Variants in TSHZ2 observed in about 807,000 individuals in gnomAD.
TSHZ2 encodes teashirt homolog 2.
TSHZ2 carries 21 observed loss-of-function variants against 74.4 expected under a neutral mutation model. The observed-to-expected ratio is 0.28, with a 90% CI of 0.20 to 0.41. The LOEUF (loss-of-function observed/expected upper bound fraction) is 0.41, where lower values mean the gene tolerates loss of function less well. TSHZ2 is among the 10% of genes least tolerant of loss of function. The pLI, the probability that TSHZ2 is intolerant of heterozygous loss-of-function variation, is 1.00. For synonymous variants in TSHZ2, 540 were observed against 515.3 expected, an observed-to-expected ratio of 1.05 and a Z score of -0.65; for missense variants, 1,244 against 1,293.5, an observed-to-expected ratio of 0.96 and a Z score of 0.59.
At chr20:53,434,283 G>T (rs1356244580) in intron 2 of TSHZ2, among the ~76,000 whole-genome samples, 1 of 152,172 alleles carries the variant, frequency 6.6e-6, no homozygotes, top group Non-Finnish European at 1.5e-5. Flanking sequence ...ATTATCTCAT[G>T]TAATCATCAC....
intron 1 of TSHZ2, among the ~76,000 whole-genome samples, chr20:53,133,015 T>G (rs1182067440): frequency 6.6e-6 from 1 of 152,200 alleles, no homozygotes; most frequent in Non-Finnish European, 1.5e-5. Context: ...CTGCTAGCAT[T>G]TGATTAAGTT....
At chr20:53,116,848 T>G (rs1986681824) in intron 1 of TSHZ2, among the ~76,000 whole-genome samples, 1 of 152,202 alleles carries the variant, frequency 6.6e-6, no homozygotes, top group Non-Finnish European at 1.5e-5. Flanking sequence ...TCTGGGCTAC[T>G]ATAGCAAGAA....
chr20:53,111,378 G>T (rs751592486), intron 1 of TSHZ2, among the ~76,000 whole-genome samples: 1 of 152,038 alleles, frequency 6.6e-6, no homozygotes, highest in Non-Finnish European at 1.5e-5. Context: ...AAATCTTTAC[G>T]GCATAAAATA....
intron 1 of TSHZ2, among the ~76,000 whole-genome samples, chr20:53,057,903 G>A (rs1470498740): frequency 6.6e-6 from 1 of 152,184 alleles, no homozygotes; most frequent in Non-Finnish European, 1.5e-5. Context: ...AGGGCATGGA[G>A]GTCCCCTCCC....
At chr20:53,014,949 A>G (rs1318625816) in intron 1 of TSHZ2, among the ~76,000 whole-genome samples, 4 of 152,172 alleles carry the variant, frequency 2.6e-5, no homozygotes, top group Non-Finnish European at 4.4e-5. Context: ...AACTGCATTT[A>G]AAGCCTAATT....
chr20:53,128,712 C>T (rs906440657), intron 1 of TSHZ2, among the ~76,000 whole-genome samples: 2 of 152,050 alleles, frequency 1.3e-5, no homozygotes, highest in African/African-American at 4.8e-5. Flanking sequence ...ACCTCCACCT[C>T]CCAAGTTCAA....
At chr20:53,446,864 T>A (rs996522357) in intron 2 of TSHZ2, among the ~76,000 whole-genome samples, 17 of 152,206 alleles carry the variant, frequency 1.1e-4, no homozygotes, top group African/African-American at 4.1e-4. Context: ...CAGGAAGACT[T>A]CTAACTTCTA....
At chr20:53,002,803 T>A (rs1982488272) in intron 1 of TSHZ2, among the ~76,000 whole-genome samples, 1 of 152,154 alleles carries the variant, frequency 6.6e-6, no homozygotes, top group East Asian at 1.9e-4. Context: ...AGGTACGACG[T>A]GTGTATTAAT....
chr20:53,312,295 T>C lies in TSHZ2; in HGVS notation c.*8+55724T>C, dbSNP rs112507903. The stretch of plus-strand genomic sequence containing the variant: ...CAAATATCAAGAGACGTGGAGACAT[T>C]GTAACGGAGGCTGCCTGGTAACTAA... On this transcript the variant is annotated intron_variant, in intron 2 of 2. Coordinates refer to ENST00000371497, the MANE Select transcript of TSHZ2 (RefSeq NM_173485.6). Among the ~76,000 whole-genome samples, 1,461 of 152,180 alleles carry C rather than the reference T, an allele frequency of 9.6e-3. 19 individuals are homozygous for C. The highest frequency in any genetic ancestry group is 0.034 in the African/African-American group (1,394 of 41,510).
chr20:53,358,776 G>A (rs1052731928), intron 2 of TSHZ2, among the ~76,000 whole-genome samples: 8 of 152,110 alleles, frequency 5.3e-5, no homozygotes, highest in Non-Finnish European at 1.2e-4. Flanking sequence ...CATCCGTTAG[G>A]GTTTTTTAAA....
intron 2 of TSHZ2, among the ~76,000 whole-genome samples, chr20:53,419,835 G>A (rs1983403653): frequency 6.6e-6 from 1 of 152,198 alleles, no homozygotes; most frequent in Admixed American, 6.5e-5. Context: ...TCTGTTAAGG[G>A]ACACTGATGT....
chr20:53,126,347 T>C, intron 1 of TSHZ2, among the ~76,000 whole-genome samples: 1 of 152,108 alleles, frequency 6.6e-6, no homozygotes, highest in Admixed American at 6.6e-5. Context: ...ATGCCCTACA[T>C]GGGGAAAGAT....
At chr20:53,208,573 C>G (rs1108344) in intron 1 of TSHZ2, 3 of 152,052 alleles carry the variant, frequency 2.0e-5, no homozygotes, top group Non-Finnish European at 4.4e-5. Context: ...ACTCCCAACA[C>G]GTACGGATCG....
intron 1 of TSHZ2, among the ~76,000 whole-genome samples, chr20:53,214,769 G>T (rs1170799472): frequency 1.3e-5 from 2 of 152,148 alleles, no homozygotes; most frequent in African/African-American, 4.8e-5. Flanking sequence ...GAAGCAGAAG[G>T]AAGGGAGGGT....
intron 2 of TSHZ2, among the ~76,000 whole-genome samples, chr20:53,429,427 G>A (rs529384061): frequency 8.3e-4 from 126 of 152,300 alleles, no homozygotes; most frequent in African/African-American, 2.9e-3. Flanking sequence ...TCATGGGGGC[G>A]GGTCTTTCCC....
chr20:53,278,023 A>G (rs1259171810), intron 2 of TSHZ2, among the ~76,000 whole-genome samples: 1 of 152,144 alleles, frequency 6.6e-6, no homozygotes, highest in Non-Finnish European at 1.5e-5. Flanking sequence ...CAGAACTTCC[A>G]GATTAAGTCA....
intron 1 of TSHZ2, among the ~76,000 whole-genome samples, chr20:53,200,804 C>A (rs1000490444): frequency 1.3e-5 from 2 of 152,078 alleles, no homozygotes; most frequent in Non-Finnish European, 2.9e-5. Flanking sequence ...GAGAATAGTT[C>A]TTTTCTTTTG....
chr20:53,152,740 G>A (rs1987704295), intron 1 of TSHZ2, among the ~76,000 whole-genome samples: 1 of 152,192 alleles, frequency 6.6e-6, no homozygotes, highest in Admixed American at 6.5e-5. Flanking sequence ...AATTATGTCT[G>A]ACACCTATGG....
chr20:53,202,113 A>T (rs1287103311), intron 1 of TSHZ2, among the ~76,000 whole-genome samples: 1 of 152,160 alleles, frequency 6.6e-6, no homozygotes, highest in Non-Finnish European at 1.5e-5. Context: ...GCTTCTATTT[A>T]ATGTTCTCTC....
Sources: gnomAD v4.1 joint callset for allele counts (sites outside exome capture counted in the v4.1 genomes callset) on GRCh38, gnomAD v4.1.1 for gene constraint, MANE v1.5 for transcripts, NCBI Gene and HGNC (gene_info 2026-07-23, HGNC 2026-07-21) for gene names.